RASAL2: variants seen among roughly 807,000 people sequenced by gnomAD.
RASAL2 encodes the protein RAS protein activator like 2.
Under a neutral mutation model 128.9 loss-of-function variants are expected in RASAL2, and 58 were observed. That is an observed-to-expected ratio of 0.45 (90% CI 0.36 to 0.56). The LOEUF (loss-of-function observed/expected upper bound fraction) is 0.56. Ranked by LOEUF, RASAL2 falls within the 20% of genes least tolerant of loss-of-function variation. The pLI is 0.00. For synonymous variants in RASAL2, 561 were observed against 580.8 expected, an observed-to-expected ratio of 0.97 and a Z score of 0.49; for missense variants, 1,360 against 1,601.6, an observed-to-expected ratio of 0.85 and a Z score of 2.57.
intron 4 of RASAL2, among the ~76,000 whole-genome samples, chr1:178,390,871 T>A (rs929682537): frequency 1.4e-5 from 2 of 146,966 alleles, no homozygotes; most frequent in African/African-American, 5.0e-5. Context: ...TGGTGGCAGG[T>A]TTTTTTTTTA....
intron 6 of RASAL2, 74 bp downstream of exon 6, chr1:178,439,649 T>C: frequency 7.1e-7 from 1 of 1,413,358 alleles, no homozygotes; most frequent in Admixed American, 1.9e-5. Flanking sequence ...ATTTTGCGAT[T>C]TCATTGCTGT....
In RASAL2 at chr1:178,454,583, G is replaced by T; in HGVS notation, c.2146G>T (p.Asp716Tyr). 3.7e-6 allele frequency: 6 copies of T among 1,613,910 alleles called. No homozygotes were observed. Among genetic ancestry groups the T allele is most frequent in the Non-Finnish European group, 5.1e-6 (6 of 1,179,858 alleles). The stretch of plus-strand genomic sequence containing the variant: ...CACCCCAGGCTTTGATGGTTACATT[G>T]ATCTGGGCCGAGAGCTTTCAGTTTT... ...SNTPGFDGYI[D>Y]LGRELSVLHS... The change falls in exon 12 of 18, where the codon GAT becomes TAT. Residue 716 changes from aspartate (D) to tyrosine (Y), a missense_variant. Physicochemically the swap from Asp to Tyr is radical, Grantham distance 160. Coordinates refer to ENST00000367649, the MANE Select transcript of RASAL2 (RefSeq NM_170692.4).
intron 16 of RASAL2, among the ~76,000 whole-genome samples, chr1:178,466,519 C>T (rs1218688140): frequency 6.6e-6 from 1 of 152,026 alleles, no homozygotes; most frequent in African/African-American, 2.4e-5. Flanking sequence ...CTGCAGATGC[C>T]AAGGGAGAAA....
At chr1:178,261,914 A>C (rs1029267580) in intron 1 of RASAL2, among the ~76,000 whole-genome samples, 13 of 119,020 alleles carry the variant, frequency 1.1e-4, no homozygotes, top group African/African-American at 3.7e-4. Flanking sequence ...AGACTGTCTC[A>C]AAAAAAAAAA....
At chr1:178,295,252 A>C (rs529583065) in intron 2 of RASAL2, among the ~76,000 whole-genome samples, 4 of 151,556 alleles carry the variant, frequency 2.6e-5, no homozygotes, top group Non-Finnish European at 4.4e-5. Flanking sequence ...CCAAAAAAAA[A>C]AAAACAAAAA....
intron 3 of RASAL2, among the ~76,000 whole-genome samples, chr1:178,331,583 CTT>C (rs71731643): frequency 3.6e-5 from 4 of 110,214 alleles, no homozygotes; most frequent in Non-Finnish European, 3.5e-5. Context: ...CTTCATGCAT[CTT>C]TTTTTTTTTT....
At chr1:178,298,834 CTATT>C (rs1299279988) in intron 2 of RASAL2, among the ~76,000 whole-genome samples, 1 of 151,740 alleles carries the variant, frequency 6.6e-6, no homozygotes, top group Non-Finnish European at 1.5e-5. Flanking sequence ...CTCTGCCAAA[CTATT>C]TAGGATGTTA....
intron 1 of RASAL2, among the ~76,000 whole-genome samples, chr1:178,157,214 C>G (rs993627936): frequency 6.6e-6 from 1 of 152,176 alleles, no homozygotes; most frequent in Middle Eastern, 3.2e-3. Context: ...CACTTCTGCC[C>G]TAGACCACTG....
At chr1:178,386,911 A>G (rs1027264846) in intron 3 of RASAL2, among the ~76,000 whole-genome samples, 2 of 152,226 alleles carry the variant, frequency 1.3e-5, no homozygotes, top group African/African-American at 4.8e-5. Context: ...CTCTTAGAGC[A>G]TAGTAGCAGC....
At chr1:178,439,751 G>A (rs147526212) in intron 6 of RASAL2, among the ~76,000 whole-genome samples, 176 bp downstream of exon 6, 3 of 152,016 alleles carry the variant, frequency 2.0e-5, no homozygotes, top group African/African-American at 7.2e-5. Context: ...AATCATATTT[G>A]CAGTTAAAGT....
chr1:178,110,202 A>G (rs890502455), intron 1 of RASAL2, among the ~76,000 whole-genome samples: 1 of 152,096 alleles, frequency 6.6e-6, no homozygotes, highest in African/African-American at 2.4e-5. Flanking sequence ...CCCTTTCCCC[A>G]GCCTAACACT....
intron 1 of RASAL2, among the ~76,000 whole-genome samples, chr1:178,269,852 G>A (rs995740042): frequency 7.2e-5 from 11 of 152,054 alleles, no homozygotes; most frequent in South Asian, 2.1e-4. Flanking sequence ...TTTGCACTGC[G>A]GACTCGCCCT....
intron 3 of RASAL2, among the ~76,000 whole-genome samples, chr1:178,353,430 C>G (rs1212787735): frequency 6.6e-6 from 1 of 152,192 alleles, no homozygotes; most frequent in Non-Finnish European, 1.5e-5. Flanking sequence ...GACCTTTGCT[C>G]CAGTACCCAA....
chr1:178,359,753 A>G (rs1414823229), intron 3 of RASAL2, among the ~76,000 whole-genome samples: 3 of 152,124 alleles, frequency 2.0e-5, no homozygotes, highest in Non-Finnish European at 2.9e-5. Context: ...TTTTGTTATA[A>G]ATGACTGTAG....
At chr1:178,472,491 G>T (rs188007582) in intron 17 of RASAL2, among the ~76,000 whole-genome samples, 1 of 152,182 alleles carries the variant, frequency 6.6e-6, no homozygotes, top group Admixed American at 6.5e-5. Flanking sequence ...TAACTCCTTG[G>T]TCTGAGCTTT....
At chr1:178,379,710 T>G (rs916720570) in intron 3 of RASAL2, among the ~76,000 whole-genome samples, 20 of 152,194 alleles carry the variant, frequency 1.3e-4, no homozygotes, top group African/African-American at 4.3e-4. Flanking sequence ...TTTTAAGTCT[T>G]ACATCCTTTG....
At chr1:178,127,692 A>G (rs1164680489) in intron 1 of RASAL2, among the ~76,000 whole-genome samples, 2 of 152,090 alleles carry the variant, frequency 1.3e-5, no homozygotes, top group Non-Finnish European at 2.9e-5. Flanking sequence ...GTGATCTTTA[A>G]AAGATCACCT....
At chr1:178,371,324 A>C (rs1038551123) in intron 3 of RASAL2, among the ~76,000 whole-genome samples, 13 of 102,446 alleles carry the variant, frequency 1.3e-4, no homozygotes, top group African/African-American at 2.8e-4. Flanking sequence ...CTTCTTTCCC[A>C]CACACACACA....
intron 4 of RASAL2, among the ~76,000 whole-genome samples, chr1:178,417,759 A>T (rs945673566): frequency 1.1e-5 from 1 of 89,212 alleles, no homozygotes; most frequent in South Asian, 2.6e-4. Context: ...AACTCCGTCT[A>T]AAAAAAAAAA....
Sources: gnomAD v4.1 joint callset for allele counts (sites outside exome capture counted in the v4.1 genomes callset) on GRCh38, gnomAD v4.1.1 for gene constraint, MANE v1.5 for transcripts, NCBI Gene and HGNC (gene_info 2026-07-23, HGNC 2026-07-21) for gene names.